NCOA2: variants seen among roughly 807,000 people sequenced by gnomAD.
NCOA2 encodes the protein class E basic helix-loop-helix protein 75.
In NCOA2, 21 loss-of-function variants were observed where a neutral mutation model predicts 145.1. The ratio of observed to expected loss-of-function variants is 0.14; its 90% confidence interval spans 0.10 to 0.21. NCOA2 has a LOEUF of 0.21. Among genes scored for constraint, NCOA2 ranks in the 10% least tolerant of loss-of-function variants. The probability of loss-of-function intolerance (pLI) is 1.00; values close to 1 mark genes in which losing one functional copy is unlikely to be tolerated. For synonymous variants in NCOA2, 619 were observed against 637.5 expected (o/e 0.97, Z 0.44); for missense variants, 1,472 against 1,837.6 (o/e 0.80, Z 3.64).
chr8:70,305,307 C>A (rs1827806420), intron 1 of NCOA2, among the ~76,000 whole-genome samples: 1 of 152,116 alleles, frequency 6.6e-6, no homozygotes, highest in Non-Finnish European at 1.5e-5. Flanking sequence ...AGGCACCCTT[C>A]CCCAAATGAT....
chr8:70,322,769 T>A (rs1036474280), intron 1 of NCOA2, among the ~76,000 whole-genome samples: 1 of 152,212 alleles, frequency 6.6e-6, no homozygotes, highest in Admixed American at 6.6e-5. Context: ...GTCTGGCCCA[T>A]AGTAAATGCT....
At chr8:70,272,299 T>C (rs1432824708) in intron 2 of NCOA2, among the ~76,000 whole-genome samples, 1 of 152,158 alleles carries the variant, frequency 6.6e-6, no homozygotes, top group African/African-American at 2.4e-5. Context: ...GGAGGGATGT[T>C]TACAGAAATT....
At chr8:70,309,685 A>T (rs904187871) in intron 1 of NCOA2, among the ~76,000 whole-genome samples, 1 of 152,100 alleles carries the variant, frequency 6.6e-6, no homozygotes, top group African/African-American at 2.4e-5. Context: ...GCGCAGTAGC[A>T]AGCACCTGTA....
At chr8:70,233,474 C>T (rs1347078372) in intron 2 of NCOA2, among the ~76,000 whole-genome samples, 1 of 152,166 alleles carries the variant, frequency 6.6e-6, no homozygotes, top group Non-Finnish European at 1.5e-5. Context: ...GGAATACAGG[C>T]ATGTAGATTA....
chr8:70,296,294 G>A (rs1827089292), intron 2 of NCOA2, among the ~76,000 whole-genome samples: 3 of 152,154 alleles, frequency 2.0e-5, no homozygotes, highest in Non-Finnish European at 4.4e-5. Flanking sequence ...TTGGCTCATT[G>A]CATTTTATAA....
At chr8:70,172,492 T>C (rs1814367418) in intron 5 of NCOA2, among the ~76,000 whole-genome samples, 1 of 152,186 alleles carries the variant, frequency 6.6e-6, no homozygotes, top group South Asian at 2.1e-4. Flanking sequence ...CAGAGAAAGG[T>C]TCACCCATTT....
the NCOA2 span, among the ~76,000 whole-genome samples, chr8:70,438,843 G>A: frequency 6.6e-6 from 1 of 152,174 alleles, no homozygotes; most frequent in Non-Finnish European, 1.5e-5. Context: ...ACCAAACACC[G>A]AGGTGAGGGG....
chr8:70,283,769 T>C (rs1826047216), intron 2 of NCOA2, among the ~76,000 whole-genome samples: 1 of 152,202 alleles, frequency 6.6e-6, no homozygotes, highest in Non-Finnish European at 1.5e-5. Context: ...TTTTGGAATA[T>C]TTGCATTGCA....
intron 1 of NCOA2, among the ~76,000 whole-genome samples, chr8:70,360,118 GC>G (rs1217636743): frequency 2.6e-5 from 4 of 152,120 alleles, no homozygotes; most frequent in Admixed American, 2.6e-4. Flanking sequence ...CACTAATTAA[GC>G]TAATTTATAA....
chr8:70,359,044 A>G (rs1305550916), intron 1 of NCOA2, among the ~76,000 whole-genome samples: 1 of 152,194 alleles, frequency 6.6e-6, no homozygotes, highest in Non-Finnish European at 1.5e-5. Flanking sequence ...TACACTCCCT[A>G]GGATGGCTAT....
At chr8:70,228,099 C>T (rs368055799) in intron 2 of NCOA2, among the ~76,000 whole-genome samples, 54 of 151,470 alleles carry the variant, frequency 3.6e-4, no homozygotes, top group African/African-American at 1.3e-3. Flanking sequence ...CTTAGAAAGT[C>T]TTTTTTACAA....
intron 1 of NCOA2, among the ~76,000 whole-genome samples, chr8:70,322,850 A>G (rs1806202291): frequency 6.6e-6 from 1 of 152,196 alleles, no homozygotes; most frequent in Admixed American, 6.6e-5. Context: ...TAATATAGCC[A>G]AAAAAGTGAA....
the NCOA2 span, among the ~76,000 whole-genome samples, chr8:70,435,736 T>C: frequency 6.6e-6 from 1 of 151,132 alleles, no homozygotes; most frequent in Non-Finnish European, 1.5e-5. Flanking sequence ...ATATATATGA[T>C]CTTCCTCTCT....
intron 2 of NCOA2, chr8:70,245,208 T>C (rs183247826): frequency 6.6e-5 from 10 of 152,180 alleles, no homozygotes; most frequent in African/African-American, 2.4e-4. Context: ...CCTAAGCACA[T>C]GCTGAGCACC....
chr8:70,409,002 G>A, the NCOA2 span, among the ~76,000 whole-genome samples: 8 of 152,002 alleles, frequency 5.3e-5, no homozygotes, highest in African/African-American at 1.5e-4. Flanking sequence ...ACTTTGGGAG[G>A]CTGAGGTGGG....
At chr8:70,147,128 G>GTA (rs1491534032) in intron 12 of NCOA2, among the ~76,000 whole-genome samples, 1 of 142,016 alleles carries the variant, frequency 7.0e-6, no homozygotes, top group African/African-American at 2.8e-5. Context: ...GCGCGCGCGC[G>GTA]TGTGTGTGTG....
chr8:70,331,293 A>G (rs1488188315), intron 1 of NCOA2, among the ~76,000 whole-genome samples: 1 of 152,180 alleles, frequency 6.6e-6, no homozygotes. Context: ...ACAATAGAGT[A>G]TAGCACATAA....
chr8:70,149,437 G>C (rs1417741846), intron 11 of NCOA2, among the ~76,000 whole-genome samples: 1 of 150,248 alleles, frequency 6.7e-6, no homozygotes, highest in African/African-American at 2.4e-5. Flanking sequence ...TTTAGAGATG[G>C]GGGTCTCATT....
Position 70,112,912 on chromosome 8 carries a change from GT to G in NCOA2, c.*719del, listed in dbSNP as rs1275385839. On this transcript the variant is annotated 3_prime_UTR_variant, in exon 23 of 23. Transcript: ENST00000452400. ...CTCAATTCATGATTCAGGTGAACCA[GT>G]TTGGTTTTAACAAAGAAAAAACAAG... The G allele has an allele frequency of 5.0e-6, 1 of 198,024 alleles. No homozygotes were observed. The highest frequency in any genetic ancestry group is 2.3e-5 in the African/African-American group (1 of 43,350). The allele number at this position is 198,024 out of a possible 1,614,324, so 12.3% of individuals were successfully genotyped here.
Sources: allele counts gnomAD v4.1 joint callset (sites outside exome capture counted in the v4.1 genomes callset), GRCh38; gene constraint gnomAD v4.1.1; transcripts MANE v1.5; gene names NCBI Gene and HGNC (gene_info 2026-07-23, HGNC 2026-07-21).